MLLT3: variants seen among roughly 807,000 people sequenced by gnomAD.
The protein encoded by MLLT3 is MLLT3 super elongation complex subunit, also known as protein AF-9.
A neutral mutation model predicts 53.2 loss-of-function variants in MLLT3; 4 were observed. The observed-to-expected ratio is 0.08, with a 90% CI of 0.04 to 0.17. The LOEUF (loss-of-function observed/expected upper bound fraction) is 0.17, where lower values mean the gene tolerates loss of function less well. MLLT3 is among the 10% of genes least tolerant of loss of function. The probability of loss-of-function intolerance (pLI) is 1.00; values close to 1 mark genes in which losing one functional copy is unlikely to be tolerated. For missense variants in MLLT3, 569 were observed against 684.0 expected (o/e 0.83, Z 1.87); for synonymous variants, 283 against 230.6 (o/e 1.23, Z -2.06).
intron 2 of MLLT3, among the ~76,000 whole-genome samples, chr9:20,579,146 T>C (rs145877291): frequency 2.0e-5 from 3 of 152,090 alleles, no homozygotes; most frequent in Non-Finnish European, 4.4e-5. Context: ...TGCAGGAGGA[T>C]TGCTTGAGGC....
At chr9:20,506,889 T>C (rs904645897) in intron 2 of MLLT3, among the ~76,000 whole-genome samples, 2 of 152,214 alleles carry the variant, frequency 1.3e-5, no homozygotes, top group African/African-American at 4.8e-5. Context: ...GAAACCTAAT[T>C]TGATTAATTG....
rs1029398006 is a variant in MLLT3, at chr9:20,599,603, G to A, written c.193+21051C>T. Among the ~76,000 whole-genome samples, 27 of 152,236 alleles carry A rather than the reference G, an allele frequency of 1.8e-4. 1 individual carries two copies. The highest frequency in any genetic ancestry group is 6.5e-4 in the African/African-American group (27 of 41,530). On this transcript the variant is annotated intron_variant, in intron 2 of 10. Coordinates refer to ENST00000380338, the MANE Select transcript of MLLT3 (RefSeq NM_004529.4). ...TAGACCAACCTAAAAGTAGAGATAT[G>A]ACCTAGAAGCATGGTATAAACAGAG...
At chr9:20,472,211 T>G (rs1824412857) in intron 2 of MLLT3, among the ~76,000 whole-genome samples, 1 of 152,068 alleles carries the variant, frequency 6.6e-6, no homozygotes. Flanking sequence ...TGCCTTAAAT[T>G]TACTGACATA....
At chr9:20,420,447 T>C (rs1738403372) in intron 4 of MLLT3, among the ~76,000 whole-genome samples, 2 of 152,098 alleles carry the variant, frequency 1.3e-5, no homozygotes, top group African/African-American at 4.8e-5. Context: ...AAAGTATGAG[T>C]GCTAGATTAA....
chr9:20,572,325 T>A (rs1819550367), intron 2 of MLLT3, among the ~76,000 whole-genome samples: 1 of 152,144 alleles, frequency 6.6e-6, no homozygotes. Flanking sequence ...TAATATACGG[T>A]ATATTTCAAA....
At chr9:20,615,784 C>T (rs1820818026) in intron 2 of MLLT3, among the ~76,000 whole-genome samples, 2 of 148,742 alleles carry the variant, frequency 1.3e-5, no homozygotes, top group African/African-American at 5.0e-5. Context: ...CAGAGTTTTC[C>T]AGAGGCTACA....
chr9:20,469,868 G>A (rs567108616), intron 2 of MLLT3, among the ~76,000 whole-genome samples: 106 of 152,072 alleles, frequency 7.0e-4, no homozygotes, highest in Admixed American at 2.8e-3. Flanking sequence ...ATTTTGAATC[G>A]ACTGGAACTT....
At chr9:20,372,864 A>G (rs1821648824) in intron 5 of MLLT3, among the ~76,000 whole-genome samples, 1 of 152,152 alleles carries the variant, frequency 6.6e-6, no homozygotes, top group Non-Finnish European at 1.5e-5. Context: ...GCAACAAGGT[A>G]TATTTTAATA....
At chr9:20,513,009 G>A (rs1005029067) in intron 2 of MLLT3, among the ~76,000 whole-genome samples, 1 of 152,238 alleles carries the variant, frequency 6.6e-6, no homozygotes, top group Non-Finnish European at 1.5e-5. Context: ...AACTGTAAGT[G>A]AGGCTCTGTT....
At chr9:20,542,407 C>T (rs555337868) in intron 2 of MLLT3, among the ~76,000 whole-genome samples, 24 of 152,148 alleles carry the variant, frequency 1.6e-4, no homozygotes, top group South Asian at 1.0e-3. Context: ...CCCGCCACCG[C>T]GCCCGGCTAA....
At chr9:20,360,645 T>A (rs879433391) in intron 8 of MLLT3, 97 bp downstream of exon 8, 7 of 988,216 alleles carry the variant, frequency 7.1e-6, no homozygotes, top group African/African-American at 1.6e-5. Flanking sequence ...CAAGAGGAAG[T>A]TTGTTTAAAA....
intron 2 of MLLT3, among the ~76,000 whole-genome samples, chr9:20,460,226 G>C (rs752082117): frequency 1.6e-4 from 25 of 152,132 alleles, no homozygotes; most frequent in Admixed American, 1.0e-3. Context: ...TGATAGCTAA[G>C]CATTCTAAAC....
rs564225475 is a variant in MLLT3 at position 20,396,025 on chromosome 9, A to C, written c.1125+17696T>G. Among the ~76,000 whole-genome samples the C allele has an allele frequency of 1.1e-4, 16 of 152,308 alleles. 1 individual carries two copies. Among genetic ancestry groups the C allele is most frequent in the Admixed American group, 8.5e-4 (13 of 15,294 alleles). On this transcript the variant is annotated intron_variant, in intron 5 of 10. Coordinates refer to ENST00000380338, the MANE Select transcript of MLLT3 (RefSeq NM_004529.4). ...TACCTTTAAATTCCCAGTTCTATTC[A>C]GTAGACAAGATGAAGCATAAAGGCA...
intron 2 of MLLT3, among the ~76,000 whole-genome samples, chr9:20,600,542 T>C (rs1032434874): frequency 2.0e-5 from 3 of 152,202 alleles, no homozygotes; most frequent in Non-Finnish European, 4.4e-5. Flanking sequence ...ATAACAGCAA[T>C]CCAAATGTTT....
At chr9:20,599,427 C>T (rs636100) in intron 2 of MLLT3, among the ~76,000 whole-genome samples, 119,165 of 150,116 alleles carry the variant, frequency 0.79, 47,474 homozygotes, top group Middle Eastern at 0.9. Context: ...AAAACTAAAT[C>T]ACATTCTGAA....
At chr9:20,542,238 ATTT>A (rs35985088) in intron 2 of MLLT3, among the ~76,000 whole-genome samples, 172 of 50,660 alleles carry the variant, frequency 3.4e-3, no homozygotes, top group African/African-American at 7.5e-3. Context: ...GAGCAGTAAT[ATTT>A]TTTTTTTTTT....
rs554750402 is a variant in MLLT3 at position 20,405,866 on chromosome 9, C to T, written c.1125+7855G>A. Among the ~76,000 whole-genome samples, 450 of 152,206 alleles carry T rather than the reference C, an allele frequency of 3.0e-3. 3 individuals are homozygous for T. Among genetic ancestry groups the T allele is most frequent in the African/African-American group, 0.01 (424 of 41,522 alleles). On this transcript the variant is annotated intron_variant, in intron 5 of 10. Coordinates refer to ENST00000380338, the MANE Select transcript of MLLT3 (RefSeq NM_004529.4). ...GTGGCTCATGTCTGTAATCCCAGCA[C>T]GTTGGGAGGCCAAGGAGGGTGGATC... is the stretch of plus-strand genomic sequence containing the variant.
chr9:20,575,422 G>C lies in MLLT3; in HGVS notation c.193+45232C>G, dbSNP rs144608641. 4.0e-3 allele frequency among the ~76,000 whole-genome samples: 604 copies of C among 152,144 alleles called. 6 individuals are homozygous for C. Among genetic ancestry groups the C allele is most frequent in the African/African-American group, 0.014 (582 of 41,538 alleles). On this transcript the variant is annotated intron_variant, in intron 2 of 10. Transcript: ENST00000380338. ...CATTAGCAATTTTTTTAGCAATAAA[G>C]CATTTTTAAAATTAAATTTTTTAAG... is the stretch of plus-strand genomic sequence containing the variant.
intron 2 of MLLT3, among the ~76,000 whole-genome samples, chr9:20,562,055 T>C (rs1194790036): frequency 6.6e-6 from 1 of 152,170 alleles, no homozygotes; most frequent in Non-Finnish European, 1.5e-5. Context: ...TATCTTTCTA[T>C]AAATATTTTA....
Sources: allele counts gnomAD v4.1 joint callset (sites outside exome capture counted in the v4.1 genomes callset), GRCh38; gene constraint gnomAD v4.1.1; transcripts MANE v1.5; gene names NCBI Gene and HGNC (gene_info 2026-07-23, HGNC 2026-07-21).